The following KLHL1 variants were observed in gnomAD, a reference collection of about 807,000 sequenced individuals.
KLHL1 encodes the protein kelch like family member 1, also known as kelch-like protein 1.
A neutral mutation model predicts 77.7 loss-of-function variants in KLHL1; 47 were observed. The ratio of observed to expected loss-of-function variants is 0.60; its 90% confidence interval spans 0.48 to 0.77. The LOEUF is 0.77. Ranked by LOEUF, KLHL1 falls within the 30% of genes least tolerant of loss-of-function variation. The probability of loss-of-function intolerance (pLI) is 0.00; values close to 1 mark genes in which losing one functional copy is unlikely to be tolerated. For missense variants in KLHL1, 925 were observed against 910.8 expected (o/e 1.02, Z -0.20); for synonymous variants, 360 against 325.2 (o/e 1.11, Z -1.15).
chr13:69,804,134 C>T (rs573934203), intron 6 of KLHL1, among the ~76,000 whole-genome samples: 6 of 152,006 alleles, frequency 3.9e-5, no homozygotes, highest in Non-Finnish European at 7.4e-5. Flanking sequence ...ATAATTTAAC[C>T]AGAAGATATT....
intron 4 of KLHL1, among the ~76,000 whole-genome samples, chr13:69,920,286 A>G (rs573171923): frequency 3.3e-5 from 5 of 152,156 alleles, no homozygotes; most frequent in Non-Finnish European, 7.4e-5. Context: ...TATGATTACT[A>G]TAATCTTATA....
chr13:69,907,334 T>C (rs1882076432), intron 4 of KLHL1, among the ~76,000 whole-genome samples: 1 of 152,068 alleles, frequency 6.6e-6, no homozygotes, highest in Non-Finnish European at 1.5e-5. Flanking sequence ...ACATTGACAC[T>C]GCAAGTGTTT....
At chr13:69,800,937 T>G (rs1398705449) in intron 6 of KLHL1, among the ~76,000 whole-genome samples, 1 of 152,074 alleles carries the variant, frequency 6.6e-6, no homozygotes, top group Non-Finnish European at 1.5e-5. Flanking sequence ...AAAATGAAAG[T>G]TTACTTTAAG....
intron 3 of KLHL1, among the ~76,000 whole-genome samples, chr13:69,951,831 A>T (rs1202212513): frequency 7.9e-5 from 12 of 151,434 alleles, no homozygotes; most frequent in African/African-American, 2.9e-4. Flanking sequence ...TTCACATCTC[A>T]TAATCCATAT....
chr13:69,798,644 A>G (rs1877238448), intron 6 of KLHL1, among the ~76,000 whole-genome samples: 1 of 152,058 alleles, frequency 6.6e-6, no homozygotes, highest in South Asian at 2.1e-4. Context: ...TTGGATATTG[A>G]ATGTTTTATT....
intron 4 of KLHL1, among the ~76,000 whole-genome samples, chr13:69,924,885 G>C (rs975775180): frequency 1.3e-5 from 2 of 152,200 alleles, no homozygotes; most frequent in Non-Finnish European, 2.9e-5. Flanking sequence ...TGGGACGCCT[G>C]GTCCAGCCAC....
intron 2 of KLHL1, among the ~76,000 whole-genome samples, chr13:69,965,194 T>A (rs9317850): frequency 0.62 from 94,139 of 152,156 alleles, 29,219 homozygotes; most frequent in South Asian, 0.65. Flanking sequence ...TGCAGTTTTT[T>A]AAAAATAATT....
chr13:70,035,746 T>C (rs1886222213), intron 1 of KLHL1, among the ~76,000 whole-genome samples: 1 of 152,016 alleles, frequency 6.6e-6, no homozygotes, highest in African/African-American at 2.4e-5. Flanking sequence ...AAAGCTTTTA[T>C]GTTAACTTTT....
At chr13:70,026,946 G>A (rs1243668022) in intron 1 of KLHL1, among the ~76,000 whole-genome samples, 1 of 152,052 alleles carries the variant, frequency 6.6e-6, no homozygotes, top group East Asian at 1.9e-4. Flanking sequence ...AAATGTGTAT[G>A]TTCCTTCAAT....
chr13:70,020,860 T>TA (rs1885772941), intron 1 of KLHL1, among the ~76,000 whole-genome samples: 1 of 152,070 alleles, frequency 6.6e-6, no homozygotes, highest in Non-Finnish European at 1.5e-5. Context: ...ATTTTTTACT[T>TA]TATATATACA....
chr13:69,784,882 A>ACTTTT, intron 7 of KLHL1, among the ~76,000 whole-genome samples: 1 of 79,502 alleles, frequency 1.3e-5, no homozygotes, highest in South Asian at 5.3e-4. Flanking sequence ...CAGAATATAC[A>ACTTTT]TTTTTTTTTT....
At chr13:69,930,819 CT>C (rs1160500048) in intron 4 of KLHL1, among the ~76,000 whole-genome samples, 2 of 151,528 alleles carry the variant, frequency 1.3e-5, no homozygotes, top group Non-Finnish European at 3.0e-5. Context: ...AAACTACAGC[CT>C]TTTTCTGATT....
At chr13:69,799,946 TG>T (rs1197354673) in intron 6 of KLHL1, among the ~76,000 whole-genome samples, 1 of 152,160 alleles carries the variant, frequency 6.6e-6, no homozygotes, top group Non-Finnish European at 1.5e-5. Flanking sequence ...GAACTGTGCA[TG>T]GGAGGGATCT....
At chr13:69,759,673 T>C (rs1224591548) in intron 7 of KLHL1, among the ~76,000 whole-genome samples, 3 of 152,212 alleles carry the variant, frequency 2.0e-5, no homozygotes, top group African/African-American at 7.2e-5. Context: ...CCTGCTTCAT[T>C]GCTCTACTCA....
chr13:69,795,691 G>T (rs1249877205), intron 7 of KLHL1, among the ~76,000 whole-genome samples: 1 of 151,968 alleles, frequency 6.6e-6, no homozygotes, highest in Non-Finnish European at 1.5e-5. Context: ...CAAAACCAAG[G>T]CTCAGTTTAA....
chr13:69,855,410 A>G (rs1879868252), intron 5 of KLHL1, among the ~76,000 whole-genome samples: 1 of 150,730 alleles, frequency 6.6e-6, no homozygotes, highest in Non-Finnish European at 1.5e-5. Context: ...ATAGAGATAC[A>G]GATAGAGATA....
intron 9 of KLHL1, among the ~76,000 whole-genome samples, chr13:69,714,978 C>T (rs1305331568): frequency 6.6e-6 from 1 of 152,136 alleles, no homozygotes; most frequent in African/African-American, 2.4e-5. Flanking sequence ...TTCCTCAAAA[C>T]ATGCAGATAA....
chr13:69,707,876 C>A (rs1875697723), intron 9 of KLHL1, 80 bp from the exon 10 acceptor site: 5 of 1,240,552 alleles, frequency 4.0e-6, no homozygotes, highest in African/African-American at 1.5e-5. Flanking sequence ...TTTTACAAAG[C>A]CTGTCATGAA....
In KLHL1 at chr13:70,107,446, G is replaced by C; in HGVS notation, c.254C>G (p.Ser85Cys). 1.2e-6 allele frequency: 2 copies of C among 1,614,146 alleles called. No individual in the cohort carries two copies. Among genetic ancestry groups the C allele is most frequent in the Non-Finnish European group, 1.7e-6 (2 of 1,180,020 alleles). Residue 85 changes from serine (S) to cysteine (C), a missense_variant, in exon 1 of 11, where the codon TCC becomes TGC. By Grantham distance (112) the Ser-to-Cys change is moderately radical. Coordinates refer to ENST00000377844, the MANE Select transcript of KLHL1 (RefSeq NM_020866.3). Reference protein sequence around the residue: ...SSSSSSSPSSSSSSFNPLNGT... With the variant: ...SSSSSSSPSSCSSSFNPLNGT... ...ATTCAGCGGATTGAAGGAAGAGGAG[G>C]AAGAGGACGGGGAGGACGATGAAGA...
Sources: allele counts gnomAD v4.1 joint callset (sites outside exome capture counted in the v4.1 genomes callset), GRCh38; gene constraint gnomAD v4.1.1; transcripts MANE v1.5; gene names NCBI Gene and HGNC (gene_info 2026-07-23, HGNC 2026-07-21).